Variants in STAM2 observed in about 807,000 individuals in gnomAD.
STAM2 encodes the protein signal transducing adaptor molecule 2.
Under a neutral mutation model 65.6 loss-of-function variants are expected in STAM2, and 51 were observed. That is an observed-to-expected ratio of 0.78 (90% CI 0.62 to 0.98). STAM2 has a LOEUF of 0.98. Among genes scored for constraint, STAM2 ranks in the 50% least tolerant of loss-of-function variants. STAM2 has a pLI of 0.00. For synonymous variants in STAM2, 198 were observed against 208.4 expected (o/e 0.95, Z 0.43); for missense variants, 584 against 617.8 (o/e 0.95, Z 0.58).
intron 1 of STAM2, among the ~76,000 whole-genome samples, chr2:152,153,885 TACACACACACACAC>T (rs70974824): frequency 2.8e-5 from 4 of 144,856 alleles, no homozygotes; most frequent in East Asian, 2.1e-4. Context: ...AGACATTACA[TACACACACACACAC>T]ACACACACAC....
At position 152,120,625 on chromosome 2, in the gene STAM2, A is replaced by G; in HGVS notation, c.1527T>C (p.Ala509=). The G allele has an allele frequency of 6.2e-7, 1 of 1,614,108 alleles. No individual in the cohort carries two copies. Among genetic ancestry groups the G allele is most frequent in the East Asian group, 2.2e-5 (1 of 44,866 alleles). ...QLAGFPVTVP[A]HPVAQQHTNY... ...TTGTGTGCTGCTGTGCAACTGGATG[A>G]GCTGGAACTGTCACCGGAAAGCCTG... The change falls in exon 14 of 14, where the codon GCT becomes GCC. Residue 509 remains alanine, a synonymous_variant. Coordinates refer to ENST00000263904, the MANE Select transcript of STAM2 (RefSeq NM_005843.6).
intron 7 of STAM2, among the ~76,000 whole-genome samples, chr2:152,139,197 T>G (rs76289455): frequency 0.017 from 2,611 of 152,284 alleles, 67 homozygotes; most frequent in African/African-American, 0.06. Flanking sequence ...AATTTTAATG[T>G]AGCATTTATA....
intron 1 of STAM2, among the ~76,000 whole-genome samples, chr2:152,161,038 G>A (rs765030715): frequency 2.0e-5 from 3 of 152,220 alleles, no homozygotes; most frequent in Admixed American, 6.5e-5. Flanking sequence ...TGACGGTGGC[G>A]GTTTTGTGGA....
At position 152,119,344 on chromosome 2, in the gene STAM2, A is replaced by C. The variant is rs1688807356; in HGVS notation, c.*1230T>G. ...TAACTCAAAATGCAGGCTTCAGAAA[A>C]ACTGCTTCAATAGCCTCCCTATCAA... On this transcript the variant is annotated 3_prime_UTR_variant, in exon 14 of 14. Coordinates refer to ENST00000263904, the MANE Select transcript of STAM2 (RefSeq NM_005843.6). 2 of 152,190 alleles carry C rather than the reference A, an allele frequency of 1.3e-5. No homozygotes were observed. The highest frequency in any genetic ancestry group is 1.3e-4 in the Admixed American group (2 of 15,282). The allele number at this position is 152,190 out of a possible 1,614,324, so 9.4% of individuals were successfully genotyped here.
At chr2:152,138,371 C>CT (rs566344861) in intron 7 of STAM2, among the ~76,000 whole-genome samples, 7 of 151,738 alleles carry the variant, frequency 4.6e-5, no homozygotes, top group Admixed American at 1.3e-4. Context: ...CTGAGAATGA[C>CT]TTTTTTTTAC....
intron 1 of STAM2, among the ~76,000 whole-genome samples, chr2:152,174,126 C>T (rs767123982): frequency 3.1e-4 from 47 of 152,168 alleles, no homozygotes; most frequent in Non-Finnish European, 3.8e-4. Context: ...GCAACTCTGC[C>T]TACTTGTACC....
intron 1 of STAM2, among the ~76,000 whole-genome samples, chr2:152,161,849 T>C (rs964780376): frequency 2.0e-5 from 3 of 152,074 alleles, no homozygotes; most frequent in Non-Finnish European, 4.4e-5. Flanking sequence ...GAGATGGAGT[T>C]TCACTCTTAG....
Position 152,150,202 on chromosome 2 carries a change from G to A in STAM2, c.68C>T (p.Thr23Ile). The A allele has an allele frequency of 1.2e-6, 2 of 1,613,376 alleles. No individual in the cohort carries two copies. Among genetic ancestry groups the A allele is most frequent in the Non-Finnish European group, 1.7e-6 (2 of 1,179,526 alleles). Residue 23 changes from threonine (T) to isoleucine (I), a missense_variant, in exon 2 of 14, where the codon ACA becomes ATA. Thr to Ile is a moderately conservative substitution (Grantham distance 89). Coordinates refer to ENST00000263904, the MANE Select transcript of STAM2 (RefSeq NM_005843.6). ...VEKATNEYNT[T>I]EDWSLIMDIC... is the part of the protein sequence containing the mutation. ...GTCCATAATAAGACTCCAATCTTCT[G>A]TAGTGTTGTACTCATTCGTGGCTTT...
intron 6 of STAM2, 69 bp downstream of exon 6, chr2:152,144,819 G>A: frequency 2.9e-6 from 4 of 1,370,396 alleles, no homozygotes; most frequent in Non-Finnish European, 4.2e-6. Context: ...TTACAGGCGT[G>A]AGCCACCGCG....
Position 152,124,940 on chromosome 2 carries a change from T to G in STAM2, c.1180-1005A>C, listed in dbSNP as rs577494888. Among the ~76,000 whole-genome samples the G allele has an allele frequency of 3.3e-5, 5 of 152,330 alleles. No individual in the cohort carries two copies. In the South Asian group the frequency reaches 1.0e-3, roughly 32 times the overall value. On this transcript the variant is annotated intron_variant, in intron 12 of 13. Transcript: ENST00000263904. ...TCAAATTAGAATAGAAACTTTTGAA[T>G]ATTTCAAATGCTCTTGAGTGAACAG...
intron 1 of STAM2, among the ~76,000 whole-genome samples, chr2:152,158,748 G>A (rs2105558940): frequency 6.6e-6 from 1 of 152,200 alleles, no homozygotes; most frequent in South Asian, 2.1e-4. Context: ...GAAGATCAAA[G>A]CACTGGCATC....
chr2:152,121,030 C>A (rs1688843506), intron 13 of STAM2, among the ~76,000 whole-genome samples: 1 of 152,068 alleles, frequency 6.6e-6, no homozygotes, highest in Non-Finnish European at 1.5e-5. Context: ...GGGTGCAGAT[C>A]ATAGCTCACT....
At chr2:152,148,854 C>T (rs1322744713) in intron 2 of STAM2, among the ~76,000 whole-genome samples, 1 of 151,330 alleles carries the variant, frequency 6.6e-6, no homozygotes, top group African/African-American at 2.4e-5. Flanking sequence ...AAAGATCTGT[C>T]AACACAAGAG....
intron 1 of STAM2, among the ~76,000 whole-genome samples, chr2:152,151,746 A>C (rs1299578004): frequency 1.3e-5 from 2 of 152,194 alleles, no homozygotes; most frequent in Non-Finnish European, 2.9e-5. Context: ...CGGATTTTTC[A>C]TATAAATAGA....
intron 8 of STAM2, among the ~76,000 whole-genome samples, chr2:152,135,294 C>CA (rs1257087159): frequency 6.6e-6 from 1 of 152,202 alleles, no homozygotes; most frequent in Non-Finnish European, 1.5e-5. Context: ...TGCTAACTCT[C>CA]AGAGGATGTA....
At chr2:152,135,365 A>G in intron 8 of STAM2, 144 bp downstream of exon 8, 3 of 623,320 alleles carry the variant, frequency 4.8e-6, no homozygotes, top group Non-Finnish European at 8.4e-6. Flanking sequence ...AATTTGGTTA[A>G]AAAGTAGGTT....
intron 7 of STAM2, among the ~76,000 whole-genome samples, chr2:152,142,524 T>C (rs937405366): frequency 2.0e-5 from 3 of 152,174 alleles, no homozygotes; most frequent in Non-Finnish European, 2.9e-5. Context: ...TTACAGACAG[T>C]GTCAAACTCA....
intron 1 of STAM2, among the ~76,000 whole-genome samples, chr2:152,166,931 T>C (rs1689798780): frequency 6.6e-6 from 1 of 152,220 alleles, no homozygotes; most frequent in South Asian, 2.1e-4. Flanking sequence ...AGCAAGTGCT[T>C]ACTAAGGGTA....
chr2:152,122,195 G>A (rs991173062), intron 13 of STAM2, among the ~76,000 whole-genome samples: 1 of 151,920 alleles, frequency 6.6e-6, no homozygotes, highest in African/African-American at 2.4e-5. Flanking sequence ...GGAGGCCAAG[G>A]TGAGAGGATT....
Sources: gnomAD v4.1 joint callset for allele counts (sites outside exome capture counted in the v4.1 genomes callset) on GRCh38, gnomAD v4.1.1 for gene constraint, MANE v1.5 for transcripts, NCBI Gene and HGNC (gene_info 2026-07-23, HGNC 2026-07-21) for gene names.